Variants in NSD3 observed in about 807,000 individuals in gnomAD.
NSD3 encodes histone-lysine N-methyltransferase NSD3.
NSD3 carries 24 observed loss-of-function variants against 160.8 expected under a neutral mutation model. The ratio of observed to expected loss-of-function variants is 0.15; its 90% CI spans 0.11 to 0.21. The LOEUF (loss-of-function observed/expected upper bound fraction) is 0.21, where lower values mean the gene tolerates loss of function less well. Ranked by LOEUF, NSD3 falls within the 10% of genes least tolerant of loss-of-function variation. The probability of loss-of-function intolerance (pLI) is 1.00; values close to 1 mark genes in which losing one functional copy is unlikely to be tolerated. For missense variants in NSD3, 1,157 were observed against 1,735.9 expected (o/e 0.67, Z 5.93); for synonymous variants, 520 against 600.0 (o/e 0.87, Z 1.95).
In NSD3 at chr8:38,304,680, C is replaced by G. The variant is rs773662274; in HGVS notation, c.2518G>C (p.Val840Leu). 2.5e-6 allele frequency: 4 copies of G among 1,614,112 alleles called. No individual in the cohort carries two copies. In the Admixed American group the frequency reaches 6.7e-5, roughly 27 times the overall value. The part of the protein sequence containing the change: ...DACIAAGSML[V>L]SSYILICSNH... ...CTACAGATGAGAATGTAGGAGGATACTAACATGCTTCCGGCCGCAATGCAA... is the reference window on the plus strand; with the variant it reads ...CTACAGATGAGAATGTAGGAGGATAGTAACATGCTTCCGGCCGCAATGCAA... The change falls in exon 14 of 24, where the codon GTA (valine) becomes CTA (leucine). Residue 840 changes from valine to leucine, a missense_variant. Coordinates refer to ENST00000317025, the MANE Select transcript of NSD3 (RefSeq NM_023034.2).
chr8:38,364,337 T>C (rs1264637512), intron 1 of NSD3, among the ~76,000 whole-genome samples: 1 of 151,800 alleles, frequency 6.6e-6, no homozygotes, highest in East Asian at 1.9e-4. Context: ...CATTACAACA[T>C]AAATAGTTTT....
intron 19 of NSD3, among the ~76,000 whole-genome samples, chr8:38,285,166 T>C (rs1489939912): frequency 6.6e-6 from 1 of 152,240 alleles, no homozygotes; most frequent in Admixed American, 6.5e-5. Flanking sequence ...ACTCAATATT[T>C]AATACCTTAA....
At chr8:38,361,754 CAAAA>C (rs756700150) in intron 1 of NSD3, among the ~76,000 whole-genome samples, 90 of 31,158 alleles carry the variant, frequency 2.9e-3, no homozygotes, top group East Asian at 5.5e-3. Flanking sequence ...GACTCCGTCT[CAAAA>C]AAAAAAAAAA....
chr8:38,338,701 CTAAA>C (rs1278208824), intron 2 of NSD3, 94 bp from the exon 3 acceptor site: 4 of 1,025,048 alleles, frequency 3.9e-6, no homozygotes, highest in Admixed American at 1.9e-5. Flanking sequence ...TCAAAGAAAA[CTAAA>C]TAAAGAGAAT....
intron 15 of NSD3, among the ~76,000 whole-genome samples, chr8:38,298,560 A>G (rs565052166): frequency 7.4e-5 from 11 of 149,392 alleles, no homozygotes; most frequent in South Asian, 2.1e-4. Context: ...GTGTGTGTGT[A>G]TAGAGTATAT....
At chr8:38,311,410 C>G (rs543790404) in intron 12 of NSD3, among the ~76,000 whole-genome samples, 1 of 152,274 alleles carries the variant, frequency 6.6e-6, no homozygotes, top group East Asian at 1.9e-4. Context: ...TCACTGCAAC[C>G]TCTGCCTCCG....
At chr8:38,326,448 A>T (rs1809913473) in intron 7 of NSD3, among the ~76,000 whole-genome samples, 1 of 152,218 alleles carries the variant, frequency 6.6e-6, no homozygotes, top group Non-Finnish European at 1.5e-5. Context: ...GAGATAGTCG[A>T]TGGTGTATTT....
At chr8:38,346,363 A>G (rs1810532000) in intron 2 of NSD3, among the ~76,000 whole-genome samples, 1 of 147,084 alleles carries the variant, frequency 6.8e-6, no homozygotes, top group Non-Finnish European at 1.5e-5. Context: ...TAGTATATGT[A>G]TATATGTATA....
intron 2 of NSD3, among the ~76,000 whole-genome samples, chr8:38,342,141 G>T (rs867857646): frequency 2.0e-5 from 3 of 152,192 alleles, no homozygotes; most frequent in Admixed American, 6.5e-5. Flanking sequence ...AGCGAAGGAT[G>T]CCCAAGAGGA....
intron 12 of NSD3, among the ~76,000 whole-genome samples, chr8:38,310,045 A>C (rs1293919698): frequency 6.6e-6 from 1 of 152,198 alleles, no homozygotes; most frequent in Non-Finnish European, 1.5e-5. Context: ...AATTGTGGTA[A>C]AATATATATA....
intron 7 of NSD3, among the ~76,000 whole-genome samples, chr8:38,322,771 G>A (rs1166286646): frequency 6.6e-6 from 1 of 152,082 alleles, no homozygotes; most frequent in Non-Finnish European, 1.5e-5. Flanking sequence ...TTCTTCAAAC[G>A]ACAAAAATGT....
chr8:38,326,899 A>G lies in NSD3; in HGVS notation c.1582-43T>C, dbSNP rs746299857. ...AGAAAAAACAACAAAACAGGTGATT[A>G]CCAGGCAAGTGGCATCATGGGCTTA... is the stretch of plus-strand genomic sequence containing the variant. On this transcript the variant is annotated intron_variant, in intron 6 of 23. Transcript: ENST00000317025. The G allele has an allele frequency of 9.3e-6, 15 of 1,609,000 alleles. No individual in the cohort carries two copies. The South Asian group carries it at 1.5e-4, about 17-fold the overall frequency.
intron 1 of NSD3, among the ~76,000 whole-genome samples, chr8:38,359,654 C>T (rs976661647): frequency 1.3e-4 from 20 of 152,194 alleles, no homozygotes; most frequent in African/African-American, 4.6e-4. Flanking sequence ...ATCTAGCCCT[C>T]ACTACAGACA....
chr8:38,329,417 C>T lies in NSD3; in HGVS notation c.1542G>A (p.Gly514=), dbSNP rs750686993. ...EQVFALQNAT[G]DGKFIDQFVY... ...CAAATTGATCGATAAATTTCCCATC[C>T]CCTGTAGCATTCTGAAGAGCAAACA... Residue 514 remains glycine (G), a synonymous_variant, in exon 6 of 24, where the codon GGG becomes GGA. Coordinates refer to ENST00000317025, the MANE Select transcript of NSD3 (RefSeq NM_023034.2). The surrounding 1 kb of genome is among the most constrained non-coding windows in gnomAD (Gnocchi z 4.8). 1.5e-5 allele frequency: 24 copies of T among 1,613,674 alleles called. No homozygotes were observed. In the Admixed American group the frequency reaches 1.8e-4, roughly 12 times the overall value.
intron 4 of NSD3, among the ~76,000 whole-genome samples, chr8:38,332,165 G>A (rs968876625): frequency 2.6e-5 from 4 of 152,072 alleles, no homozygotes; most frequent in East Asian, 1.9e-4. Context: ...GGTCTCAAAC[G>A]CTTGGCCTGA....
intron 1 of NSD3, among the ~76,000 whole-genome samples, chr8:38,380,459 T>C (rs1188131373): frequency 6.6e-6 from 1 of 152,238 alleles, no homozygotes; most frequent in Admixed American, 6.5e-5. Flanking sequence ...TGACTGCTTC[T>C]GAGGCTTCCG....
chr8:38,281,563 G>A lies in NSD3; in HGVS notation c.3522C>T (p.Tyr1174=), dbSNP rs767892006. 6 of 1,604,242 alleles carry A rather than the reference G, an allele frequency of 3.7e-6. No individual in the cohort carries two copies. The highest frequency in any genetic ancestry group is 1.7e-4 in the Middle Eastern group (1 of 6,056). ...CTTCTTCATCAATTAATTCACCGAC[G>A]TATTCATTTACAAATTCACCCTGGA... ...SIKKGEFVNE[Y]VGELIDEEEC... Residue 1174 remains tyrosine, a synonymous_variant, in exon 20 of 24, where the codon TAC becomes TAT. Coordinates refer to ENST00000317025, the MANE Select transcript of NSD3 (RefSeq NM_023034.2).
At chr8:38,343,090 G>A (rs568820326) in intron 2 of NSD3, among the ~76,000 whole-genome samples, 9 of 151,786 alleles carry the variant, frequency 5.9e-5, no homozygotes, top group Non-Finnish European at 1.3e-4. Flanking sequence ...CAGCTACCTG[G>A]GGGGCTGAGG....
At position 38,315,512 on chromosome 8, in the gene NSD3, T is replaced by C. The variant is rs1177868640; in HGVS notation, c.2019A>G (p.Ser673=). 1.2e-6 allele frequency: 2 copies of C among 1,613,536 alleles called. No homozygotes were observed. The highest frequency in any genetic ancestry group is 1.1e-5 in the South Asian group (1 of 91,006). Residue 673 remains serine, a synonymous_variant, in exon 11 of 24, where the codon TCA becomes TCG. Coordinates refer to ENST00000317025, the MANE Select transcript of NSD3 (RefSeq NM_023034.2). ...VGFGKQVDSP[S]ATADADVSDV... ...CAGAAACGTCTGCATCTGCAGTAGC[T>C]GAAGGGCTATCTACTTGCTTTCCAA...
Sources: gnomAD v4.1 joint callset for allele counts (sites outside exome capture counted in the v4.1 genomes callset) on GRCh38, gnomAD v4.1.1 for gene constraint, Gnocchi (gnomAD v3.1) non-coding constraint, MANE v1.5 for transcripts, NCBI Gene and HGNC (gene_info 2026-07-23, HGNC 2026-07-21) for gene names.